The following GPM6B variants were observed in gnomAD, a reference collection of about 807,000 sequenced individuals.
GPM6B encodes the protein glycoprotein M6B.
A neutral mutation model predicts 27.2 loss-of-function variants in GPM6B; 4 were observed. That is an observed-to-expected ratio of 0.15 (90% CI 0.07 to 0.34). The LOEUF (loss-of-function observed/expected upper bound fraction) is 0.34, where lower values mean the gene tolerates loss of function less well. Among genes scored for constraint, GPM6B ranks in the 10% least tolerant of loss-of-function variants. The pLI is 1.00. For synonymous variants in GPM6B, 124 were observed against 103.1 expected, an observed-to-expected ratio of 1.20 and a Z score of -1.23; for missense variants, 183 against 261.9, an observed-to-expected ratio of 0.70 and a Z score of 2.08.
chrX:13,918,787 G>C (rs1408687928), intron 1 of GPM6B, among the ~76,000 whole-genome samples: 1 of 110,963 alleles, frequency 9.0e-6, no homozygotes, highest in African/African-American at 3.3e-5. Flanking sequence ...AGAGAGCAGG[G>C]AGGTGCCAAA....
intron 1 of GPM6B, among the ~76,000 whole-genome samples, chrX:13,858,996 C>T (rs2049813028): frequency 8.9e-6 from 1 of 112,287 alleles, no homozygotes; most frequent in Non-Finnish European, 1.9e-5. Context: ...TCTGAAAACC[C>T]GAGCTGCATA....
chrX:13,878,724 G>T (rs2050065051), intron 1 of GPM6B, among the ~76,000 whole-genome samples: 1 of 111,808 alleles, frequency 8.9e-6, no homozygotes, highest in Admixed American at 9.5e-5. Flanking sequence ...TAGAATTAAG[G>T]TTGCTAATCA....
chrX:13,890,306 A>G (rs984602001), intron 1 of GPM6B, among the ~76,000 whole-genome samples: 2 of 111,949 alleles, frequency 1.8e-5, no homozygotes, highest in African/African-American at 6.5e-5. Context: ...TGGTCTAGAA[A>G]GGGGAGGCAT....
chrX:13,872,359 G>A (rs765356605), intron 1 of GPM6B, among the ~76,000 whole-genome samples: 12 of 109,311 alleles, frequency 1.1e-4, no homozygotes, highest in African/African-American at 1.3e-4. Context: ...TTGTAGATAC[G>A]GGGTTTCACT....
At chrX:13,881,322 C>A (rs1273405946) in intron 1 of GPM6B, among the ~76,000 whole-genome samples, 3 of 111,752 alleles carry the variant, frequency 2.7e-5, no homozygotes, top group East Asian at 5.6e-4. Flanking sequence ...CCAGCCTGGG[C>A]AACACAGCGA....
rs764983175 is a variant in GPM6B, at chrX:13,871,109, CAAAACAA to C, written c.-198+67211_-198+67217del. ...CAAAACAAAACAAAACAAAACAAAA[CAAAACAA>C]AAAAAAAAGAAGTTAGAGCTGTTTC... On this transcript the variant is annotated intron_variant, in intron 1 of 6. Coordinates refer to the GPM6B transcript ENST00000398361. 3.3e-3 allele frequency among the ~76,000 whole-genome samples: 123 copies of C among 37,775 alleles called. 3 individuals carry two copies. Among genetic ancestry groups the C allele is most frequent in the South Asian group, 0.014 (7 of 506 alleles). 32.8% of individuals were successfully genotyped at this position (37,775 alleles called of 115,157 possible).
At chrX:13,803,902 A>T (rs1290726716) in intron 2 of GPM6B, among the ~76,000 whole-genome samples, 2 of 112,027 alleles carry the variant, frequency 1.8e-5, no homozygotes, top group African/African-American at 6.5e-5. Flanking sequence ...TTGCTTAGAC[A>T]TGCCTCTTCC....
chrX:13,905,414 G>A (rs995956855), intron 1 of GPM6B, among the ~76,000 whole-genome samples: 4 of 110,882 alleles, frequency 3.6e-5, no homozygotes, highest in Non-Finnish European at 5.7e-5. Flanking sequence ...AGTGGCTGAC[G>A]TGGAATATTT....
At chrX:13,895,252 G>A (rs1402115142) in intron 1 of GPM6B, among the ~76,000 whole-genome samples, 6 of 110,763 alleles carry the variant, frequency 5.4e-5, no homozygotes, top group East Asian at 5.7e-4. Flanking sequence ...AGTAAAACCC[G>A]TAAATCTAAT....
intron 1 of GPM6B, among the ~76,000 whole-genome samples, chrX:13,885,675 A>C (rs1456523367): frequency 3.6e-5 from 4 of 111,210 alleles, no homozygotes; most frequent in Non-Finnish European, 1.9e-5. Context: ...TTGTATGAAC[A>C]ACAACCCCCC....
At chrX:13,866,108 A>C (rs1247861924) in intron 1 of GPM6B, among the ~76,000 whole-genome samples, 1 of 112,085 alleles carries the variant, frequency 8.9e-6, no homozygotes, top group East Asian at 2.8e-4. Context: ...TCACGCCTGT[A>C]ATCCCAGCAC....
At chrX:13,848,059 G>A (rs1010600139) in intron 1 of GPM6B, among the ~76,000 whole-genome samples, 5 of 112,105 alleles carry the variant, frequency 4.5e-5, no homozygotes, top group Non-Finnish European at 9.4e-5. Context: ...AAAGTTGACA[G>A]ATGACAGCTT....
intron 1 of GPM6B, chrX:13,889,447 C>A (rs771651938): frequency 8.9e-6 from 1 of 111,823 alleles, no homozygotes; most frequent in South Asian, 3.8e-4. Flanking sequence ...AGACTTGGTT[C>A]TTACCTTCAT....
At chrX:13,893,233 G>C (rs1033346465) in intron 1 of GPM6B, among the ~76,000 whole-genome samples, 5 of 111,201 alleles carry the variant, frequency 4.5e-5, no homozygotes, top group African/African-American at 1.6e-4. Context: ...AAGATTTTCA[G>C]TACAAATGTA....
At chrX:13,773,280 G>C in intron 7 of GPM6B, 4 of 212,688 alleles carry the variant, frequency 1.9e-5, no homozygotes, top group Non-Finnish European at 8.3e-6. Context: ...GTATTGTTAA[G>C]AAAAAGCAAA....
chrX:13,820,992 C>A (rs184143573), upstream of GPM6B, among the ~76,000 whole-genome samples: 5 of 111,045 alleles, frequency 4.5e-5, no homozygotes, highest in Non-Finnish European at 9.4e-5. Flanking sequence ...AATTAGAAAA[C>A]GAGGGAAATA....
At chrX:13,874,564 G>T (rs2050013890) in intron 1 of GPM6B, among the ~76,000 whole-genome samples, 1 of 93,075 alleles carries the variant, frequency 1.1e-5, no homozygotes, top group Admixed American at 1.2e-4. Flanking sequence ...AAAAAAATTA[G>T]CTGGGCATGG....
chrX:13,774,799 C>G (rs184094547), intron 7 of GPM6B, among the ~76,000 whole-genome samples: 1 of 112,016 alleles, frequency 8.9e-6, no homozygotes, highest in Admixed American at 9.5e-5. Context: ...TTTCTCATCA[C>G]ACATGTACAA....
intron 1 of GPM6B, among the ~76,000 whole-genome samples, chrX:13,839,210 G>A (rs2049542170): frequency 9.0e-6 from 1 of 111,358 alleles, no homozygotes; most frequent in Admixed American, 9.5e-5. Flanking sequence ...ACCCTTCAAG[G>A]CAGAGCTTAA....
Sources: allele counts gnomAD v4.1 joint callset (sites outside exome capture counted in the v4.1 genomes callset), GRCh38; gene constraint gnomAD v4.1.1; transcripts MANE v1.5; gene names NCBI Gene and HGNC (gene_info 2026-07-23, HGNC 2026-07-21).